The following PHTF1 variants were observed in gnomAD, a reference collection of about 807,000 sequenced individuals.
PHTF1 encodes the protein putative homeodomain transcription factor 1.
A neutral mutation model predicts 102.4 loss-of-function variants in PHTF1; 88 were observed. That is an observed-to-expected ratio of 0.86 (90% CI 0.72 to 1.03). The LOEUF is 1.03. Among genes scored for constraint, PHTF1 ranks in the 50% least tolerant of loss-of-function variants. The probability of loss-of-function intolerance (pLI) is 0.00; values close to 1 mark genes in which losing one functional copy is unlikely to be tolerated. For missense variants in PHTF1, 814 were observed against 909.5 expected (o/e 0.89, Z 1.35); for synonymous variants, 289 against 305.2 (o/e 0.95, Z 0.55).
chr1:113,700,984 A>T (rs749334013), intron 15 of PHTF1, 35 bp from the exon 16 acceptor site: 2 of 1,483,262 alleles, frequency 1.3e-6, no homozygotes, highest in Non-Finnish European at 1.8e-6. Context: ...TAAGTTTTTC[A>T]TTTACCTTAA....
At chr1:113,700,560 A>G (rs1649327757) in intron 16 of PHTF1, among the ~76,000 whole-genome samples, 1 of 152,236 alleles carries the variant, frequency 6.6e-6, no homozygotes, top group African/African-American at 2.4e-5. Flanking sequence ...AAATCTCTCC[A>G]TAGTATACAA....
intron 8 of PHTF1, among the ~76,000 whole-genome samples, chr1:113,712,371 G>A (rs952992077): frequency 2.0e-5 from 3 of 152,088 alleles, no homozygotes; most frequent in Non-Finnish European, 4.4e-5. Flanking sequence ...CTGAATCACA[G>A]CTCTTCTACT....
rs1383955061 is a variant in PHTF1 at position 113,738,871 on chromosome 1, G to C, written c.103-72C>G. 4 of 1,136,724 alleles carry C rather than the reference G, an allele frequency of 3.5e-6. No homozygotes were observed. In the East Asian group the frequency reaches 9.9e-5, roughly 28 times the overall value. The allele number at this position is 1,136,724 out of a possible 1,614,324, so 70.4% of individuals were successfully genotyped here. On this transcript the variant is annotated intron_variant, in intron 3 of 18. Transcript: ENST00000369604. ...CTTTTATTTATTTATTTATTTTTGA[G>C]ACACAGTTTCGCTCTTGTAGCCCAG...
rs1355700046 is a variant in PHTF1, at chr1:113,738,199, A to C, written c.242T>G (p.Val81Gly). The change falls in exon 5 of 19, where the codon GTT becomes GGT. Residue 81 changes from valine (V) to glycine (G), a missense_variant. By Grantham distance (109) the Val-to-Gly change is moderately radical. Transcript: ENST00000369604. ...TSLTRKGLVR[V>G]VFFPLFSNWW... ...ATTGCTGAACAATGGAAAAAATACA[A>C]CTCGAACAAGCCCCTTCCGAGTCAG... The C allele has an allele frequency of 6.2e-7, 1 of 1,613,636 alleles. No homozygotes were observed. The highest frequency in any genetic ancestry group is 1.3e-5 in the African/African-American group (1 of 75,024).
intron 5 of PHTF1, among the ~76,000 whole-genome samples, chr1:113,727,659 G>A (rs1026768775): frequency 6.6e-6 from 1 of 152,114 alleles, no homozygotes; most frequent in African/African-American, 2.4e-5. Context: ...TCAATTGACA[G>A]TTATGTAATA....
chr1:113,752,851 G>A (rs1658300792), intron 3 of PHTF1, among the ~76,000 whole-genome samples: 1 of 152,154 alleles, frequency 6.6e-6, no homozygotes, highest in African/African-American at 2.4e-5. Context: ...AAAATAGTAA[G>A]AGCAGATATC....
chr1:113,743,657 CAT>C (rs1427372143), intron 3 of PHTF1, among the ~76,000 whole-genome samples: 2 of 152,310 alleles, frequency 1.3e-5, no homozygotes, highest in African/African-American at 4.8e-5. Flanking sequence ...ACTCCAAACA[CAT>C]GAGTAATGTG....
chr1:113,752,431 G>A (rs1658234106), intron 3 of PHTF1, among the ~76,000 whole-genome samples: 1 of 105,938 alleles, frequency 9.4e-6, no homozygotes, highest in Admixed American at 1.5e-4. Context: ...ACGGAGTCTC[G>A]TTCTGTCGTC....
intron 7 of PHTF1, 71 bp from the exon 8 acceptor site, chr1:113,713,509 A>C (rs1651497630): frequency 1.3e-6 from 1 of 792,698 alleles, no homozygotes; most frequent in Non-Finnish European, 2.1e-6. Flanking sequence ...ACTTTCTTTT[A>C]AGGAATACGC....
At chr1:113,704,874 C>A in intron 13 of PHTF1, 77 bp from the exon 14 acceptor site, 2 of 962,964 alleles carry the variant, frequency 2.1e-6, no homozygotes, top group East Asian at 2.5e-5. Flanking sequence ...AACGATATTC[C>A]CAGAATACAA....
At chr1:113,718,856 A>T (rs1652485149) in intron 7 of PHTF1, among the ~76,000 whole-genome samples, 1 of 152,166 alleles carries the variant, frequency 6.6e-6, no homozygotes, top group African/African-American at 2.4e-5. Context: ...CAGGCCTGTG[A>T]AGGGAGGGGC....
At chr1:113,723,797 A>G (rs1255213766) in intron 7 of PHTF1, among the ~76,000 whole-genome samples, 1 of 152,190 alleles carries the variant, frequency 6.6e-6, no homozygotes, top group Non-Finnish European at 1.5e-5. Context: ...GTTAAAAAGC[A>G]TCTATATAGC....
At chr1:113,737,148 G>A (rs970593700) in intron 5 of PHTF1, among the ~76,000 whole-genome samples, 2 of 152,184 alleles carry the variant, frequency 1.3e-5, no homozygotes, top group Admixed American at 1.3e-4. Flanking sequence ...CACAGACTTG[G>A]TGACATATTA....
intron 15 of PHTF1, 59 bp from the exon 16 acceptor site, chr1:113,701,008 C>T (rs1204243076): frequency 8.2e-6 from 10 of 1,217,196 alleles, no homozygotes; most frequent in Non-Finnish European, 1.2e-5. Flanking sequence ...CATGTAATTA[C>T]TCTTTTACTC....
At chr1:113,708,981 T>G (rs1475013357) in intron 11 of PHTF1, among the ~76,000 whole-genome samples, 1 of 152,114 alleles carries the variant, frequency 6.6e-6, no homozygotes, top group Non-Finnish European at 1.5e-5. Context: ...GAGAGCCAGG[T>G]ATGGTGACTC....
intron 13 of PHTF1, among the ~76,000 whole-genome samples, chr1:113,705,349 A>G (rs996601505): frequency 1.3e-4 from 20 of 152,118 alleles, no homozygotes; most frequent in African/African-American, 4.6e-4. Flanking sequence ...CTGAGCTGGA[A>G]GGACTGCTTG....
At chr1:113,710,574 A>G in intron 10 of PHTF1, 99 bp from the exon 11 acceptor site, 1 of 785,614 alleles carries the variant, frequency 1.3e-6, no homozygotes, top group South Asian at 1.7e-5. Context: ...ATGGCTTGAA[A>G]GCCTTCAGAA....
chr1:113,709,347 G>A (rs1650704613), intron 11 of PHTF1, among the ~76,000 whole-genome samples: 1 of 152,036 alleles, frequency 6.6e-6, no homozygotes, highest in Non-Finnish European at 1.5e-5. Flanking sequence ...TAAATCAATG[G>A]TATTTTTGAA....
intron 17 of PHTF1, among the ~76,000 whole-genome samples, chr1:113,698,695 T>C (rs901518352): frequency 1.3e-5 from 2 of 149,248 alleles, no homozygotes; most frequent in Non-Finnish European, 3.0e-5. Context: ...ACATCAGCAA[T>C]CATCAGAACC....
Sources: allele counts gnomAD v4.1 joint callset (sites outside exome capture counted in the v4.1 genomes callset), GRCh38; gene constraint gnomAD v4.1.1; transcripts MANE v1.5; gene names NCBI Gene and HGNC (gene_info 2026-07-23, HGNC 2026-07-21).